The following DPH6 variants were observed in gnomAD, a reference collection of about 807,000 sequenced individuals.
DPH6 encodes the protein diphthine--ammonia ligase.
In DPH6, 33 loss-of-function variants were observed where a neutral mutation model predicts 38.2. That is an observed-to-expected ratio of 0.86 (90% CI 0.65 to 1.15). The LOEUF (loss-of-function observed/expected upper bound fraction) is 1.15, where lower values mean the gene tolerates loss of function less well. Ranked by LOEUF, DPH6 falls within the 50% of genes most tolerant of loss-of-function variation. DPH6 has a pLI of 0.00. For missense variants in DPH6, 325 were observed against 320.0 expected (o/e 1.02, Z -0.12); for synonymous variants, 108 against 103.0 (o/e 1.05, Z -0.30).
Position 35,314,100 on chromosome 15 carries a change from A to C in DPH6, n.200+59421T>G, listed in dbSNP as rs570985654. On this transcript the variant is annotated intron_variant and non_coding_transcript_variant, in intron 3 of 3. Transcript: ENST00000560386. ...TAAGGAGCTCAAACAACTCAATAGC[A>C]AAAAAAAAAAAAGAAAATTAAAAAA... Among the ~76,000 whole-genome samples, 96 of 114,416 alleles carry C rather than the reference A, an allele frequency of 8.4e-4. 1 individual carries two copies. Among genetic ancestry groups the C allele is most frequent in the African/African-American group, 3.4e-3 (87 of 25,864 alleles). 75.1% of individuals were successfully genotyped at this position (114,416 alleles called of 152,430 possible).
At chr15:35,200,597 A>G in the DPH6 span, among the ~76,000 whole-genome samples, 1 of 152,084 alleles carries the variant, frequency 6.6e-6, no homozygotes, top group African/African-American at 2.4e-5. Context: ...CTGGAAAGAC[A>G]ATGGTGAGTA....
chr15:35,391,657 T>C (rs1009193290), intron 6 of DPH6, among the ~76,000 whole-genome samples: 1 of 152,148 alleles, frequency 6.6e-6, no homozygotes, highest in Non-Finnish European at 1.5e-5. Flanking sequence ...TGGGATATAA[T>C]CTCCTGGTGT....
At chr15:35,328,276 T>G (rs560677510), downstream of DPH6, among the ~76,000 whole-genome samples, 1 of 152,200 alleles carries the variant, frequency 6.6e-6, no homozygotes, top group Non-Finnish European at 1.5e-5. Flanking sequence ...TTTCTCCTTC[T>G]TTCTGCCATC....
intron 3 of DPH6, among the ~76,000 whole-genome samples, chr15:35,294,780 T>C (rs2052003986): frequency 6.6e-6 from 1 of 151,510 alleles, no homozygotes; most frequent in South Asian, 2.1e-4. Flanking sequence ...GAGATAAAGG[T>C]GAGGTGCAAA....
intron 3 of DPH6, among the ~76,000 whole-genome samples, chr15:35,488,887 A>G (rs1199505155): frequency 6.6e-6 from 1 of 152,182 alleles, no homozygotes; most frequent in Non-Finnish European, 1.5e-5. Flanking sequence ...CCCAAAATAC[A>G]CAATTAATAC....
At chr15:35,357,559 C>T (rs893875460) in intron 3 of DPH6, among the ~76,000 whole-genome samples, 28 of 152,152 alleles carry the variant, frequency 1.8e-4, no homozygotes, top group African/African-American at 6.8e-4. Context: ...CCTTTTAGTT[C>T]TTGTAGTGGT....
chr15:35,231,258 G>A (rs74008086), intron 3 of DPH6, among the ~76,000 whole-genome samples: 8,077 of 152,314 alleles, frequency 0.053, 314 homozygotes, highest in African/African-American at 0.11. Context: ...TGTCAACTGA[G>A]TTTGGTCTGG....
intron 3 of DPH6, among the ~76,000 whole-genome samples, chr15:35,495,467 T>C (rs377093512): frequency 1.3e-5 from 2 of 152,188 alleles, no homozygotes; most frequent in African/African-American, 4.8e-5. Flanking sequence ...TACTTTGTTA[T>C]GGTAGCCCTA....
intron 3 of DPH6, among the ~76,000 whole-genome samples, chr15:35,497,331 A>C (rs1199764689): frequency 6.6e-6 from 1 of 152,142 alleles, no homozygotes; most frequent in African/African-American, 2.4e-5. Flanking sequence ...TTTAAAGTGA[A>C]ATTTTTATTT....
downstream of DPH6, among the ~76,000 whole-genome samples, chr15:35,327,874 T>G (rs1361279829): frequency 6.6e-6 from 1 of 152,140 alleles, no homozygotes. Context: ...ACTCTCTACC[T>G]CACCATATCA....
At chr15:35,511,986 A>G (rs1415473881) in intron 3 of DPH6, among the ~76,000 whole-genome samples, 1 of 152,182 alleles carries the variant, frequency 6.6e-6, no homozygotes, top group East Asian at 1.9e-4. Context: ...TTAATGCCAT[A>G]ATAGAAACTG....
At chr15:35,169,747 T>C in the DPH6 span, 2 of 152,120 alleles carry the variant, frequency 1.3e-5, no homozygotes. Flanking sequence ...ACATAACTGT[T>C]ATTATGTTGT....
chr15:35,239,657 T>C (rs557057760), intron 3 of DPH6, among the ~76,000 whole-genome samples: 1 of 142,322 alleles, frequency 7.0e-6, no homozygotes, highest in Non-Finnish European at 1.5e-5. Flanking sequence ...CCCGCTTTCC[T>C]GGGGCAGGGG....
chr15:35,373,846 T>G (rs1317268524), intron 7 of DPH6, among the ~76,000 whole-genome samples: 2 of 151,930 alleles, frequency 1.3e-5, no homozygotes, highest in Admixed American at 6.6e-5. Context: ...AACATAAGAG[T>G]TCAACTTTCA....
intron 3 of DPH6, among the ~76,000 whole-genome samples, chr15:35,276,441 A>C (rs1183394279): frequency 6.6e-6 from 1 of 152,162 alleles, no homozygotes; most frequent in East Asian, 1.9e-4. Context: ...AGTTTATTTA[A>C]GTCCCAGCTA....
intron 5 of DPH6, among the ~76,000 whole-genome samples, chr15:35,446,882 T>C (rs944623511): frequency 6.6e-6 from 1 of 151,562 alleles, no homozygotes; most frequent in Non-Finnish European, 1.5e-5. Flanking sequence ...TTTTTTTTTT[T>C]TCCTGAGACG....
intron 3 of DPH6, among the ~76,000 whole-genome samples, chr15:35,315,694 A>G (rs1305094077): frequency 6.6e-6 from 1 of 152,230 alleles, no homozygotes. Context: ...CTGGGTATAT[A>G]TCCAAAAGAA....
In DPH6 at chr15:35,457,003, C is replaced by T. The variant is rs181793461; in HGVS notation, c.313-2183G>A. 1.2e-4 allele frequency among the ~76,000 whole-genome samples: 19 copies of T among 152,126 alleles called. No homozygotes were observed. In the East Asian group the frequency reaches 3.5e-3, roughly 28 times the overall value. ...TTATTTAGAGACAGAGTCTCACTCC[C>T]TCTGCTGCCCAGGCTGGAGTGCAGT... On this transcript the variant is annotated intron_variant, in intron 3 of 8. Transcript: ENST00000256538.
chr15:35,228,873 C>T (rs1391396371), intron 3 of DPH6, among the ~76,000 whole-genome samples: 2 of 151,994 alleles, frequency 1.3e-5, no homozygotes, highest in Non-Finnish European at 2.9e-5. Context: ...TATGTCATGC[C>T]ACTCTCTCCT....
Sources: gnomAD v4.1 joint callset for allele counts (sites outside exome capture counted in the v4.1 genomes callset) on GRCh38, gnomAD v4.1.1 for gene constraint, MANE v1.5 for transcripts, NCBI Gene and HGNC (gene_info 2026-07-23, HGNC 2026-07-21) for gene names.